MDGA1: variants seen among roughly 807,000 people sequenced by gnomAD.
MDGA1 encodes the protein MAM domain-containing glycosylphosphatidylinositol anchor protein 1.
In MDGA1, 54 loss-of-function variants were observed where a neutral mutation model predicts 101.5. The observed-to-expected ratio is 0.53, with a 90% confidence interval of 0.43 to 0.67. MDGA1 has a LOEUF of 0.67. Ranked by LOEUF, MDGA1 falls within the 30% of genes least tolerant of loss-of-function variation. The pLI is 0.00. For missense variants in MDGA1, 1,083 were observed against 1,323.8 expected (o/e 0.82, Z 2.82); for synonymous variants, 533 against 558.3 (o/e 0.95, Z 0.64).
chr6:37,644,600 G>T lies in MDGA1; in HGVS notation c.2298C>A (p.Asp766Glu), dbSNP rs757423666. The T allele has an allele frequency of 6.2e-7, 1 of 1,607,646 alleles. No homozygotes were observed. The highest frequency in any genetic ancestry group is 1.1e-5 in the South Asian group (1 of 90,186). The change falls in exon 13 of 17, where the codon GAC (aspartate) becomes GAA (glutamate). Residue 766 changes from aspartate to glutamate, a missense_variant. Around this residue, in one of 3 missense-constraint regions of MDGA1, gnomAD observed 657 missense variants for 771.4 expected, o/e 0.85. Transcript: ENST00000434837. ...GCGTCCAGTCAAAGTTGTCTGTCAG[G>T]TCCTGGGTATAGCCACAGATCTTCT... is the stretch of plus-strand genomic sequence containing the variant. ...EDEKICGYTQ[D>E]LTDNFDWTRQ...
At position 37,648,257 on chromosome 6, in the gene MDGA1, G is replaced by T. The variant is rs193129932; in HGVS notation, c.1894+725C>A. 5.4e-3 allele frequency: 824 copies of T among 152,466 alleles called. 6 individuals are homozygous for T. Among genetic ancestry groups the T allele is most frequent in the Non-Finnish European group, 7.7e-3 (526 of 68,154 alleles). The allele number at this position is 152,466 out of a possible 1,614,324, so 9.4% of individuals were successfully genotyped here. A position where few individuals can be genotyped will look rare whatever the true frequency, so the allele number is the denominator to read the frequency against. On this transcript the variant is annotated intron_variant, in intron 9 of 16. Transcript: ENST00000434837. ...CGTGTGCTGTCTGGCCCAGTGCCCC[G>T]CAACAACGTTCCAGAGAAGCTGCTG...
chr6:37,635,122 C>A lies in MDGA1; in HGVS notation c.*2246G>T. On this transcript the variant is annotated 3_prime_UTR_variant, in exon 17 of 17. Transcript: ENST00000434837. The stretch of plus-strand genomic sequence containing the variant: ...GAACCCAAGGAGCTTTTCAACATTT[C>A]TTGATGTCCGACTGCGCTCCAGTCC... 4.9e-6 allele frequency: 1 copy of A among 202,744 alleles called. No homozygotes were observed. Among genetic ancestry groups the A allele is most frequent in the African/African-American group, 2.3e-5 (1 of 43,508 alleles). 12.6% of individuals were successfully genotyped at this position (202,744 alleles called of 1,614,324 possible).
At chr6:37,656,155 G>A (rs777609234) in intron 3 of MDGA1, among the ~76,000 whole-genome samples, 6 of 149,144 alleles carry the variant, frequency 4.0e-5, no homozygotes, top group Non-Finnish European at 7.4e-5. Flanking sequence ...TTGGCTCACT[G>A]CAACCTCTGA....
rs1361657411 is a variant in MDGA1, at chr6:37,633,910, G to GCTTCTTCAT, written c.*3449_*3457dup. ...CTCCCCTTCCCCACTCTGGGCTTCA[G>GCTTCTTCAT]CTTCTTCATCTGCACGAGGGGATCA... On this transcript the variant is annotated 3_prime_UTR_variant, in exon 17 of 17. Coordinates refer to ENST00000434837, the MANE Select transcript of MDGA1 (RefSeq NM_153487.4). 2.6e-5 allele frequency: 4 copies of GCTTCTTCAT among 152,536 alleles called. No individual in the cohort carries two copies. The highest frequency in any genetic ancestry group is 5.9e-5 in the Non-Finnish European group (4 of 68,304). The allele number at this position is 152,536 out of a possible 1,614,324, so 9.4% of individuals were successfully genotyped here. A position where few individuals can be genotyped will look rare whatever the true frequency, so the allele number is the denominator to read the frequency against.
intron 1 of MDGA1, among the ~76,000 whole-genome samples, chr6:37,670,978 T>A (rs2114068445): frequency 6.6e-6 from 1 of 152,246 alleles, no homozygotes. Flanking sequence ...CTGGATTTGA[T>A]CATCTTTGCT....
At chr6:37,662,643 A>AAAAAAGAAAAGAAAAG (rs572346506) in intron 2 of MDGA1, among the ~76,000 whole-genome samples, 2,031 of 145,234 alleles carry the variant, frequency 0.014, 57 homozygotes, top group African/African-American at 0.041. Context: ...TCAAAAAAAA[A>AAAAAAGAAAAGAAAAG]AAAACAAGGA....
chr6:37,638,193 C>G lies in MDGA1; in HGVS notation c.2776+12G>C, dbSNP rs1294890454. The G allele has an allele frequency of 6.2e-7, 1 of 1,610,564 alleles. No homozygotes were observed. Among genetic ancestry groups the G allele is most frequent in the South Asian group, 1.1e-5 (1 of 90,968 alleles). On this transcript the variant is annotated intron_variant, in intron 16 of 16. Transcript: ENST00000434837. The surrounding 1 kb of genome is among the most constrained non-coding windows in gnomAD (Gnocchi z 4.8). ...CCAGATTCAGCTCCCCCACCTCCTT[C>G]CCGTCTTGCACCTTTATTGGGATCC...
chr6:37,689,265 C>T (rs1762259745), intron 1 of MDGA1, among the ~76,000 whole-genome samples: 1 of 152,192 alleles, frequency 6.6e-6, no homozygotes, highest in South Asian at 2.1e-4. Context: ...AATTTTATTC[C>T]ACCTCATGGT....
chr6:37,664,253 A>G lies in MDGA1; in HGVS notation c.68-147T>C, dbSNP rs528437515. The G allele has an allele frequency of 2.5e-4, 251 of 1,000,524 alleles. 6 individuals are homozygous for G. In the South Asian group the frequency reaches 3.6e-3, roughly 15 times the overall value. The allele number at this position is 1,000,524 out of a possible 1,614,324, so 62.0% of individuals were successfully genotyped here. On this transcript the variant is annotated intron_variant, in intron 1 of 16. Transcript: ENST00000434837. ...GAGGCCTGACCCCACTGAGCCCAGG[A>G]AAGAATCCTCCCAGGACCTCTAGGA...
At chr6:37,683,787 G>A (rs10456456) in intron 1 of MDGA1, among the ~76,000 whole-genome samples, 40,278 of 152,102 alleles carry the variant, frequency 0.26, 5,596 homozygotes, top group East Asian at 0.36. Flanking sequence ...TCCCTGTCTC[G>A]CTTCCCCATT....
intron 1 of MDGA1, among the ~76,000 whole-genome samples, chr6:37,682,315 T>C (rs9470660): frequency 0.16 from 24,933 of 151,964 alleles, 2,303 homozygotes; most frequent in Middle Eastern, 0.26. Context: ...CGAAACCCGG[T>C]CTCTACTAGA....
intron 1 of MDGA1, among the ~76,000 whole-genome samples, chr6:37,677,350 C>A (rs1431758333): frequency 6.6e-6 from 1 of 152,102 alleles, no homozygotes; most frequent in Non-Finnish European, 1.5e-5. Context: ...GAATAGGCCC[C>A]AAGGAAATAA....
chr6:37,663,949 G>A lies in MDGA1; in HGVS notation c.207+18C>T, dbSNP rs773527317. 4 of 1,613,518 alleles carry A rather than the reference G, an allele frequency of 2.5e-6. No individual in the cohort carries two copies. The highest frequency in any genetic ancestry group is 3.3e-5 in the Admixed American group (2 of 60,012). Reference sequence around the variant, plus strand: ...TGAGGGTAGGAGGGGCCTGAGCAAGGCTGGGCTGGGGGCTTACCTGGGGTC... The same window carrying A: ...TGAGGGTAGGAGGGGCCTGAGCAAGACTGGGCTGGGGGCTTACCTGGGGTC... On this transcript the variant is annotated intron_variant, in intron 2 of 16. Coordinates refer to ENST00000434837, the MANE Select transcript of MDGA1 (RefSeq NM_153487.4).
At chr6:37,661,558 G>A (rs1332966610) in intron 2 of MDGA1, among the ~76,000 whole-genome samples, 1 of 152,132 alleles carries the variant, frequency 6.6e-6, no homozygotes, top group East Asian at 1.9e-4. Context: ...AATGAAACAA[G>A]CAAAAAAACT....
rs1429767257 is a variant in MDGA1, at chr6:37,635,819, G to C, written c.*1549C>G. On this transcript the variant is annotated 3_prime_UTR_variant, in exon 17 of 17. Coordinates refer to ENST00000434837, the MANE Select transcript of MDGA1 (RefSeq NM_153487.4). ...CCATCGCAGGCAGCTTGAGACTACA[G>C]AACAGGGCTGGACAGAGTCTATTCA... The C allele has an allele frequency of 2.5e-6, 1 of 398,192 alleles. No homozygotes were observed. The highest frequency in any genetic ancestry group is 3.6e-5 in the East Asian group (1 of 28,070). 24.7% of individuals were successfully genotyped at this position (398,192 alleles called of 1,614,324 possible).
chr6:37,692,240 G>A (rs1054699659), intron 1 of MDGA1, among the ~76,000 whole-genome samples: 20 of 152,164 alleles, frequency 1.3e-4, no homozygotes, highest in South Asian at 4.2e-4. Context: ...GGCAGGGCCC[G>A]TAGGCAGTTA....
chr6:37,645,466 G>A (rs903130193), intron 12 of MDGA1, among the ~76,000 whole-genome samples: 76 of 152,224 alleles, frequency 5.0e-4, no homozygotes, highest in African/African-American at 1.7e-3. Context: ...CCCGGGAGGC[G>A]CAGAGGTTGC....
intron 1 of MDGA1, among the ~76,000 whole-genome samples, chr6:37,684,840 T>C (rs1762164236): frequency 6.6e-6 from 1 of 152,138 alleles, no homozygotes; most frequent in Non-Finnish European, 1.5e-5. Context: ...GCTTTATGTA[T>C]CTTGCCAGAA....
intron 7 of MDGA1, among the ~76,000 whole-genome samples, chr6:37,650,624 A>C (rs1381806425): frequency 6.6e-6 from 1 of 152,244 alleles, no homozygotes; most frequent in African/African-American, 2.4e-5. Context: ...ACTCAAAAAG[A>C]GACCTGAAGT....
Sources: gnomAD v4.1 joint callset for allele counts (sites outside exome capture counted in the v4.1 genomes callset) on GRCh38, gnomAD v4.1.1 for gene constraint, gnomAD v4.1.1 regional missense constraint, Gnocchi (gnomAD v3.1) non-coding constraint, MANE v1.5 for transcripts, NCBI Gene and HGNC (gene_info 2026-07-23, HGNC 2026-07-21) for gene names.